FRMD4A: variants seen among roughly 807,000 people sequenced by gnomAD.
FRMD4A encodes the protein FERM domain containing 4A.
Under a neutral mutation model 129.1 loss-of-function variants are expected in FRMD4A, and 29 were observed. The ratio of observed to expected loss-of-function variants is 0.22; its 90% CI spans 0.17 to 0.31. The LOEUF is 0.31. FRMD4A is among the 10% of genes least tolerant of loss of function. The probability of loss-of-function intolerance (pLI) is 1.00; values close to 1 mark genes in which losing one functional copy is unlikely to be tolerated. For missense variants in FRMD4A, 1,272 were observed against 1,375.8 expected, an observed-to-expected ratio of 0.92 and a Z score of 1.19; for synonymous variants, 634 against 571.6, an observed-to-expected ratio of 1.11 and a Z score of -1.56.
At chr10:14,247,749 T>G (rs961249730) in intron 2 of FRMD4A, among the ~76,000 whole-genome samples, 10 of 152,226 alleles carry the variant, frequency 6.6e-5, no homozygotes, top group African/African-American at 2.2e-4. Context: ...GGACCCGCTC[T>G]GATTGTTGGA....
At chr10:14,243,831 T>TA (rs11447138) in intron 2 of FRMD4A, among the ~76,000 whole-genome samples, 10 of 148,036 alleles carry the variant, frequency 6.8e-5, no homozygotes, top group African/African-American at 1.7e-4. Context: ...TTACCACAAT[T>TA]AAAAAAAAAA....
intron 2 of FRMD4A, among the ~76,000 whole-genome samples, chr10:13,931,979 A>AACCAACC (rs377655638): frequency 0.013 from 1,658 of 131,910 alleles, 9 homozygotes; most frequent in Non-Finnish European, 0.018. Context: ...ACCAACCAAC[A>AACCAACC]AACCAACCAA....
chr10:13,811,284 G>A (rs1490485811), intron 3 of FRMD4A, among the ~76,000 whole-genome samples: 1 of 145,838 alleles, frequency 6.9e-6, no homozygotes, highest in Admixed American at 7.0e-5. Flanking sequence ...ATGCCACCAC[G>A]CATGGCTTTT....
intron 9 of FRMD4A, among the ~76,000 whole-genome samples, chr10:13,742,496 C>T (rs943094): frequency 0.63 from 95,599 of 152,104 alleles, 31,119 homozygotes; most frequent in East Asian, 0.95. Flanking sequence ...GGTGTACCCT[C>T]GAGATCTCAA....
intron 8 of FRMD4A, among the ~76,000 whole-genome samples, chr10:13,749,122 G>A (rs937228016): frequency 1.3e-5 from 2 of 152,162 alleles, no homozygotes; most frequent in African/African-American, 4.8e-5. Flanking sequence ...GCCACTTTGG[G>A]ACAGTTTTGA....
intron 2 of FRMD4A, chr10:14,003,425 T>G (rs2095650006): frequency 6.6e-6 from 1 of 152,292 alleles, no homozygotes; most frequent in Admixed American, 6.5e-5. Flanking sequence ...TGATGTCCAG[T>G]CCAGCTTGGG....
intron 2 of FRMD4A, among the ~76,000 whole-genome samples, chr10:14,316,800 G>A (rs1406060736): frequency 6.6e-6 from 1 of 152,192 alleles, no homozygotes; most frequent in Non-Finnish European, 1.5e-5. Flanking sequence ...TGGTAACAGG[G>A]GATGGGTGGA....
intron 2 of FRMD4A, among the ~76,000 whole-genome samples, chr10:14,317,435 T>TCTGCACGGTGTTCCTGTG (rs1362134041): frequency 2.6e-5 from 4 of 152,200 alleles, no homozygotes; most frequent in Non-Finnish European, 5.9e-5. Context: ...TTTAGAAGTC[T>TCTGCACGGTGTTCCTGTG]CTGCACGGTG....
intron 2 of FRMD4A, among the ~76,000 whole-genome samples, chr10:14,183,160 T>C (rs1252955748): frequency 1.3e-5 from 2 of 152,228 alleles, no homozygotes; most frequent in East Asian, 1.9e-4. Context: ...CCAGATTATA[T>C]GGTCTTAGAC....
chr10:14,015,166 T>C (rs1399077185), intron 2 of FRMD4A, among the ~76,000 whole-genome samples: 5 of 119,404 alleles, frequency 4.2e-5, no homozygotes, highest in Admixed American at 2.6e-4. Context: ...CTTTCCTTCC[T>C]TTTCTTCTGT....
chr10:14,036,878 G>A (rs1417150049), intron 2 of FRMD4A, among the ~76,000 whole-genome samples: 1 of 152,134 alleles, frequency 6.6e-6, no homozygotes, highest in Admixed American at 6.5e-5. Context: ...GCTCCACCGT[G>A]CCCAGTTGGG....
chr10:13,729,316 T>C (rs968337601), intron 12 of FRMD4A: 1 of 152,212 alleles, frequency 6.6e-6, no homozygotes, highest in Non-Finnish European at 1.5e-5. Flanking sequence ...CCAAGGGGAA[T>C]GTGGATGCTG....
At chr10:13,886,457 A>G (rs1053716270) in intron 2 of FRMD4A, among the ~76,000 whole-genome samples, 1 of 152,222 alleles carries the variant, frequency 6.6e-6, no homozygotes, top group African/African-American at 2.4e-5. Context: ...GTAATGCATT[A>G]CTAACTGAGG....
chr10:13,928,334 T>C, intron 2 of FRMD4A, among the ~76,000 whole-genome samples: 1 of 152,252 alleles, frequency 6.6e-6, no homozygotes, highest in Non-Finnish European at 1.5e-5. Context: ...GGATTTTTTT[T>C]TTTGTTTTAA....
chr10:13,962,633 C>T lies in FRMD4A; in HGVS notation c.46-103721G>A, dbSNP rs573936855. Among the ~76,000 whole-genome samples, 20 of 152,252 alleles carry T rather than the reference C, an allele frequency of 1.3e-4. No homozygotes were observed. The South Asian group carries it at 4.2e-3, about 32-fold the overall frequency. Reference sequence around the variant, plus strand: ...CAAACAAATACAAATTAAGTAAAACCCTGGCTGTTCTCCTTCCAGTGGGAT... The same window carrying T: ...CAAACAAATACAAATTAAGTAAAACTCTGGCTGTTCTCCTTCCAGTGGGAT... On this transcript the variant is annotated intron_variant, in intron 2 of 24. Transcript: ENST00000357447.
rs778162514 is a variant in FRMD4A at position 13,783,015 on chromosome 10, G to GA, written c.300-10dup. ...TGCTTTCTATATAGAACCTGAAAGA[G>GA]AAAAATGGTGCGTGAACCACAGAAA... On this transcript the variant is annotated splice_polypyrimidine_tract_variant and intron_variant, in intron 5 of 24. Coordinates refer to ENST00000357447, the MANE Select transcript of FRMD4A (RefSeq NM_018027.5). 1 of 1,053,232 alleles carries GA rather than the reference G, an allele frequency of 9.5e-7. No homozygotes were observed. Among genetic ancestry groups the GA allele is most frequent in the African/African-American group, 1.6e-5 (1 of 64,260 alleles). The allele number at this position is 1,053,232 out of a possible 1,614,324, so 65.2% of individuals were successfully genotyped here.
chr10:13,745,352 TTA>T (rs1401264889), intron 9 of FRMD4A, among the ~76,000 whole-genome samples: 1 of 152,196 alleles, frequency 6.6e-6, no homozygotes, highest in East Asian at 1.9e-4. Flanking sequence ...TCATTGACTT[TTA>T]TACATCGTCT....
Position 13,656,768 on chromosome 10 carries a change from C to T in FRMD4A, c.2821G>A (p.Glu941Lys). The change falls in exon 22 of 25, where the codon GAG becomes AAG. Residue 941 changes from glutamate to lysine, a missense_variant. Physicochemically the swap from Glu to Lys is moderately conservative, Grantham distance 56 (BLOSUM62 1). This residue lies in a region of FRMD4A where 972 missense variants were observed against 892.3 expected (regional missense o/e 1.09). Transcript: ENST00000357447. ...WYQRSTASHK[E>K]HSRLSHTSST... The stretch of plus-strand genomic sequence containing the variant: ...CTGGTGTGCGACAGGCGGCTGTGCT[C>T]CTTGTGCGAGGCGGTGGAACGCTGG... 1 of 1,598,754 alleles carries T rather than the reference C, an allele frequency of 6.3e-7. No individual in the cohort carries two copies. Among genetic ancestry groups the T allele is most frequent in the Non-Finnish European group, 8.5e-7 (1 of 1,173,930 alleles).
chr10:13,753,123 G>A (rs1226808755), intron 8 of FRMD4A, among the ~76,000 whole-genome samples: 1 of 152,236 alleles, frequency 6.6e-6, no homozygotes, highest in Non-Finnish European at 1.5e-5. Context: ...AATGAGGGAA[G>A]TTATAGATTT....
Sources: allele counts gnomAD v4.1 joint callset (sites outside exome capture counted in the v4.1 genomes callset), GRCh38; gene constraint gnomAD v4.1.1; regional missense constraint gnomAD v4.1.1; transcripts MANE v1.5; gene names NCBI Gene and HGNC (gene_info 2026-07-23, HGNC 2026-07-21).